MAD1L1: variants seen among roughly 807,000 people sequenced by gnomAD.
The protein encoded by MAD1L1 is mitotic arrest deficient 1 like 1.
Under a neutral mutation model 96.9 loss-of-function variants are expected in MAD1L1, and 95 were observed. The ratio of observed to expected loss-of-function variants is 0.98; its 90% CI spans 0.83 to 1.16. The LOEUF is 1.16. Among genes scored for constraint, MAD1L1 ranks in the 50% most tolerant of loss-of-function variants. The pLI is 0.00. For missense variants in MAD1L1, 1,007 were observed against 954.4 expected, an observed-to-expected ratio of 1.06 and a Z score of -0.73; for synonymous variants, 473 against 396.6, an observed-to-expected ratio of 1.19 and a Z score of -2.29.
intron 16 of MAD1L1, among the ~76,000 whole-genome samples, chr7:1,947,181 G>A (rs1258705980): frequency 6.6e-6 from 1 of 152,230 alleles, no homozygotes; most frequent in African/African-American, 2.4e-5. Flanking sequence ...GGAGCTGGGT[G>A]CCATGGGCCC....
chr7:2,030,307 C>A (rs1172551890), intron 12 of MAD1L1, among the ~76,000 whole-genome samples: 2 of 152,230 alleles, frequency 1.3e-5, no homozygotes, highest in African/African-American at 4.8e-5. Context: ...AAACTCATTA[C>A]CTTGCTAACT....
intron 11 of MAD1L1, chr7:2,109,657 C>T (rs1787276892): frequency 6.6e-6 from 1 of 152,132 alleles, no homozygotes; most frequent in Non-Finnish European, 1.5e-5. Flanking sequence ...ACTGCGGCTG[C>T]GTGGGTCTAA....
At chr7:2,112,259 G>A (rs946745762) in intron 11 of MAD1L1, among the ~76,000 whole-genome samples, 3 of 152,160 alleles carry the variant, frequency 2.0e-5, no homozygotes, top group Admixed American at 1.3e-4. Flanking sequence ...GTGAAAATGC[G>A]CAGCTGCACA....
chr7:2,211,346 C>T (rs973446291), intron 10 of MAD1L1, among the ~76,000 whole-genome samples: 2 of 152,224 alleles, frequency 1.3e-5, no homozygotes. Flanking sequence ...CATGCCCAGG[C>T]AGGGCGCTCA....
chr7:2,194,116 T>TTG lies in MAD1L1; in HGVS notation c.986+19094_986+19095dup, dbSNP rs533263768. ...GTGCCACCATGCCTGGCTAATTTTTTTGTGTGTGTGTGTATTCTTTTGCAG... is the reference window on the plus strand; with the variant it reads ...GTGCCACCATGCCTGGCTAATTTTTTTGTGTGTGTGTGTGTATTCTTTTGCAG... On this transcript the variant is annotated intron_variant, in intron 10 of 18. Coordinates refer to ENST00000265854, the MANE Select transcript of MAD1L1 (RefSeq NM_001013836.2). 6.6e-3 allele frequency among the ~76,000 whole-genome samples: 996 copies of TTG among 151,762 alleles called. 33 individuals are homozygous for TTG. Among genetic ancestry groups the TTG allele is most frequent in the Admixed American group, 0.059 (900 of 15,236 alleles).
intron 18 of MAD1L1, among the ~76,000 whole-genome samples, chr7:1,837,911 G>A (rs1213822315): frequency 2.0e-5 from 3 of 152,238 alleles, no homozygotes; most frequent in Non-Finnish European, 4.4e-5. Flanking sequence ...CAGCAAACAG[G>A]GAAGCCCTGG....
rs543651719 is a variant in MAD1L1, at chr7:1,898,411, G to T, written c.1808-21C>A. ...CAGCTCTGCGGGAGGGACGGAAGGA[G>T]ACAGTGAGTGCGGCACCAGGCCGGA... On this transcript the variant is annotated intron_variant, in intron 17 of 18. Transcript: ENST00000265854. 4 of 1,609,370 alleles carry T rather than the reference G, an allele frequency of 2.5e-6. No individual in the cohort carries two copies. In the Admixed American group the frequency reaches 6.7e-5, roughly 27 times the overall value.
chr7:1,854,062 G>A (rs1022948844), intron 18 of MAD1L1, among the ~76,000 whole-genome samples: 2 of 152,184 alleles, frequency 1.3e-5, no homozygotes, highest in African/African-American at 4.8e-5. Context: ...TTACCAGCTC[G>A]ATCACGGGCG....
intron 14 of MAD1L1, among the ~76,000 whole-genome samples, chr7:1,984,730 G>A (rs942700732): frequency 6.6e-6 from 1 of 152,314 alleles, no homozygotes; most frequent in South Asian, 2.1e-4. Context: ...GTTTGGTTTT[G>A]CTTTGCAATC....
At chr7:2,078,206 G>A (rs1785471323) in intron 11 of MAD1L1, among the ~76,000 whole-genome samples, 1 of 152,162 alleles carries the variant, frequency 6.6e-6, no homozygotes, top group Non-Finnish European at 1.5e-5. Flanking sequence ...CTGCAGAGAG[G>A]CAGGGAAACA....
intron 18 of MAD1L1, among the ~76,000 whole-genome samples, chr7:1,833,977 G>A (rs941434466): frequency 2.1e-4 from 32 of 152,282 alleles, no homozygotes; most frequent in Non-Finnish European, 1.5e-4. Context: ...AGACCGTTCC[G>A]AGAATGTTCT....
chr7:2,083,185 C>A lies in MAD1L1; in HGVS notation c.1074-13847G>T, dbSNP rs565590546. 1.6e-4 allele frequency among the ~76,000 whole-genome samples: 24 copies of A among 152,326 alleles called. 1 individual carries two copies. The East Asian group carries it at 2.7e-3, about 17-fold the overall frequency. On this transcript the variant is annotated intron_variant, in intron 11 of 18. Transcript: ENST00000265854. Reference sequence around the variant, plus strand: ...AACTTTAAGGAGAAAATGAGATTTTCGGAATTATTAGTTTCCCTTTCATTC... The same window carrying A: ...AACTTTAAGGAGAAAATGAGATTTTAGGAATTATTAGTTTCCCTTTCATTC...
chr7:1,987,799 G>A (rs1363932680), intron 14 of MAD1L1, among the ~76,000 whole-genome samples: 1 of 152,212 alleles, frequency 6.6e-6, no homozygotes, highest in East Asian at 1.9e-4. Flanking sequence ...CACAGGCCCG[G>A]GGCAGCAGCG....
At chr7:1,969,832 C>G (rs1263288304) in intron 15 of MAD1L1, among the ~76,000 whole-genome samples, 4 of 152,160 alleles carry the variant, frequency 2.6e-5, no homozygotes, top group Non-Finnish European at 4.4e-5. Flanking sequence ...GATTTGTACC[C>G]TAAAAACTGC....
chr7:1,903,448 G>A (rs1464942746), intron 17 of MAD1L1, among the ~76,000 whole-genome samples: 17 of 147,728 alleles, frequency 1.2e-4, no homozygotes, highest in South Asian at 2.1e-4. Flanking sequence ...TCCAGGCAGC[G>A]AGGATGCAGT....
intron 10 of MAD1L1, among the ~76,000 whole-genome samples, chr7:2,200,811 C>A (rs1190489940): frequency 6.6e-6 from 1 of 152,220 alleles, no homozygotes; most frequent in African/African-American, 2.4e-5. Flanking sequence ...TTCGGCCCAG[C>A]CTCCCCTCCC....
At chr7:1,911,527 C>G (rs188367211) in intron 17 of MAD1L1, among the ~76,000 whole-genome samples, 66 of 150,772 alleles carry the variant, frequency 4.4e-4, no homozygotes, top group Non-Finnish European at 7.9e-4. Context: ...ACACTCAGAA[C>G]GCATGGTGCT....
intron 17 of MAD1L1, among the ~76,000 whole-genome samples, chr7:1,933,437 C>T (rs2128462129): frequency 6.6e-6 from 1 of 152,346 alleles, no homozygotes; most frequent in East Asian, 1.9e-4. Flanking sequence ...TCCAGGCCCA[C>T]ACCTGCATCT....
intron 18 of MAD1L1, among the ~76,000 whole-genome samples, chr7:1,837,737 G>A (rs539861290): frequency 3.9e-5 from 6 of 152,374 alleles, no homozygotes; most frequent in East Asian, 1.9e-4. Flanking sequence ...GGATGAACCC[G>A]TGGTGACAGG....
Sources: gnomAD v4.1 joint callset for allele counts (sites outside exome capture counted in the v4.1 genomes callset) on GRCh38, gnomAD v4.1.1 for gene constraint, MANE v1.5 for transcripts, NCBI Gene and HGNC (gene_info 2026-07-23, HGNC 2026-07-21) for gene names.